Variants in CES5A observed in about 807,000 individuals in gnomAD.
The protein encoded by CES5A is carboxylesterase 5A.
CES5A carries 67 observed loss-of-function variants against 62.9 expected under a neutral mutation model. That is an observed-to-expected ratio of 1.07 (90% CI 0.88 to 1.31). The LOEUF (loss-of-function observed/expected upper bound fraction) is 1.31. CES5A is among the 50% of genes most tolerant of loss of function. The probability of loss-of-function intolerance (pLI) is 0.00; values close to 1 mark genes in which losing one functional copy is unlikely to be tolerated. For synonymous variants in CES5A, 296 were observed against 280.8 expected (o/e 1.05, Z -0.54); for missense variants, 748 against 708.5 (o/e 1.06, Z -0.63).
At chr16:55,859,908 T>C (rs879697920) in intron 7 of CES5A, among the ~76,000 whole-genome samples, 11 of 152,198 alleles carry the variant, frequency 7.2e-5, no homozygotes, top group Admixed American at 7.2e-4. Flanking sequence ...CTGTGCCTTA[T>C]TTTCTCATCT....
chr16:55,890,830 G>A (rs1567342834), intron 1 of CES5A, among the ~76,000 whole-genome samples: 1 of 152,126 alleles, frequency 6.6e-6, no homozygotes, highest in Non-Finnish European at 1.5e-5. Flanking sequence ...CCAAGGTTGA[G>A]GATGGACACC....
intron 2 of CES5A, among the ~76,000 whole-genome samples, chr16:55,938,765 A>AATATATATATATAT (rs763759878): frequency 5.1e-5 from 2 of 39,190 alleles, no homozygotes; most frequent in African/African-American, 2.3e-4. Flanking sequence ...AAAAAAAAAA[A>AATATATATATATAT]ATATATATAT....
chr16:55,932,585 G>A (rs1287575959), intron 2 of CES5A, among the ~76,000 whole-genome samples: 1 of 152,052 alleles, frequency 6.6e-6, no homozygotes, highest in African/African-American at 2.4e-5. Context: ...GGCAACTCTG[G>A]ATAGAGTCAT....
chr16:55,870,668 A>T (rs1227585064), intron 3 of CES5A, among the ~76,000 whole-genome samples: 2 of 152,232 alleles, frequency 1.3e-5, no homozygotes, highest in African/African-American at 4.8e-5. Flanking sequence ...ACTGCACTCC[A>T]GCCTGGGCAA....
At chr16:55,898,680 A>G (rs2033959098) in intron 1 of CES5A, among the ~76,000 whole-genome samples, 2 of 152,192 alleles carry the variant, frequency 1.3e-5, no homozygotes, top group African/African-American at 2.4e-5. Context: ...TCATAAAGGG[A>G]TGCATCCCTA....
At chr16:55,923,753 C>T (rs2034232358) in intron 1 of CES5A, among the ~76,000 whole-genome samples, 1 of 151,568 alleles carries the variant, frequency 6.6e-6, no homozygotes, top group Non-Finnish European at 1.5e-5. Flanking sequence ...AACTTAGATG[C>T]ACAAATCCTC....
At chr16:55,881,553 G>A (rs1485680718) in intron 1 of CES5A, among the ~76,000 whole-genome samples, 3 of 152,152 alleles carry the variant, frequency 2.0e-5, no homozygotes, top group Non-Finnish European at 2.9e-5. Context: ...CATGAAGCAG[G>A]GACATGATGA....
chr16:55,907,602 T>C (rs1225809564), intron 1 of CES5A, among the ~76,000 whole-genome samples: 2 of 152,152 alleles, frequency 1.3e-5, no homozygotes, highest in African/African-American at 4.8e-5. Context: ...TTCATCGTGG[T>C]TCTGGGGCTC....
intron 2 of CES5A, among the ~76,000 whole-genome samples, chr16:55,946,760 G>A (rs552781965): frequency 7.2e-5 from 11 of 152,278 alleles, no homozygotes; most frequent in South Asian, 2.1e-4. Context: ...GTGGGTTAAC[G>A]GGGGCAGCTC....
At chr16:55,932,026 A>T (rs547423979) in intron 2 of CES5A, among the ~76,000 whole-genome samples, 1 of 152,308 alleles carries the variant, frequency 6.6e-6, no homozygotes, top group East Asian at 1.9e-4. Context: ...TCATAAATGG[A>T]TTAATTCACT....
chr16:55,953,587 A>AT (rs1342395183), intron 1 of CES5A, among the ~76,000 whole-genome samples: 4 of 152,214 alleles, frequency 2.6e-5, no homozygotes, highest in Non-Finnish European at 5.9e-5. Flanking sequence ...GGCAAATTTC[A>AT]TAAGAAATGT....
chr16:55,899,929 G>T (rs2033973482), intron 1 of CES5A, among the ~76,000 whole-genome samples: 1 of 152,174 alleles, frequency 6.6e-6, no homozygotes, highest in Non-Finnish European at 1.5e-5. Context: ...AGTTTCAATA[G>T]ATTTCAACTA....
At chr16:55,904,236 C>G (rs2034017902) in intron 1 of CES5A, among the ~76,000 whole-genome samples, 1 of 152,244 alleles carries the variant, frequency 6.6e-6, no homozygotes, top group Non-Finnish European at 1.5e-5. Flanking sequence ...CCCAGTTCAA[C>G]TCACTGTGGT....
At chr16:55,848,431 T>C (rs1357349628) in intron 11 of CES5A, among the ~76,000 whole-genome samples, 3 of 152,176 alleles carry the variant, frequency 2.0e-5, no homozygotes, top group Admixed American at 2.0e-4. Context: ...ACATGCATTT[T>C]AAATGTTGAT....
At chr16:55,877,534 G>T (rs962694521), upstream of CES5A, among the ~76,000 whole-genome samples, 8 of 151,508 alleles carry the variant, frequency 5.3e-5, no homozygotes, top group African/African-American at 1.9e-4. Context: ...AAATCAGAAT[G>T]CAAAGAGAAC....
At chr16:55,878,396 A>G (rs1451904439), upstream of CES5A, among the ~76,000 whole-genome samples, 1 of 151,978 alleles carries the variant, frequency 6.6e-6, no homozygotes, top group African/African-American at 2.4e-5. Context: ...CCCACAGACC[A>G]CACATGGACC....
upstream of CES5A, among the ~76,000 whole-genome samples, chr16:55,929,993 C>T (rs2034293273): frequency 6.6e-6 from 1 of 152,110 alleles, no homozygotes; most frequent in South Asian, 2.1e-4. Context: ...AGTGGCTCCC[C>T]AATATTGTCA....
chr16:55,943,768 C>T (rs1228990182), intron 2 of CES5A, among the ~76,000 whole-genome samples: 2 of 152,136 alleles, frequency 1.3e-5, no homozygotes, highest in Non-Finnish European at 2.9e-5. Flanking sequence ...TACCAGAGTA[C>T]ACAGAACAGA....
chr16:55,911,362 A>G (rs2034090528), intron 1 of CES5A, among the ~76,000 whole-genome samples: 1 of 152,182 alleles, frequency 6.6e-6, no homozygotes, highest in African/African-American at 2.4e-5. Context: ...GAGGCTGGAA[A>G]CACGCCCAGT....
Sources: allele counts gnomAD v4.1 joint callset (sites outside exome capture counted in the v4.1 genomes callset), GRCh38; gene constraint gnomAD v4.1.1; transcripts MANE v1.5; gene names NCBI Gene and HGNC (gene_info 2026-07-23, HGNC 2026-07-21).